The following CPNE3 variants were observed in gnomAD, a reference collection of about 807,000 sequenced individuals.
The protein encoded by CPNE3 is copine-3.
In CPNE3, 68 loss-of-function variants were observed where a neutral mutation model predicts 63.9. That is an observed-to-expected ratio of 1.06 (90% CI 0.87 to 1.30). The LOEUF (loss-of-function observed/expected upper bound fraction) is 1.30, where lower values mean the gene tolerates loss of function less well. Ranked by LOEUF, CPNE3 falls within the 50% of genes most tolerant of loss-of-function variation. The pLI, the probability that CPNE3 is intolerant of heterozygous loss-of-function variation, is 0.00. For synonymous variants in CPNE3, 219 were observed against 197.5 expected, an observed-to-expected ratio of 1.11 and a Z score of -0.91; for missense variants, 665 against 578.1, an observed-to-expected ratio of 1.15 and a Z score of -1.54.
Position 86,544,855 on chromosome 8 carries a change from C to T in CPNE3, c.732+17C>T. 3.5e-6 allele frequency: 5 copies of T among 1,429,944 alleles called. No individual in the cohort carries two copies. Among genetic ancestry groups the T allele is most frequent in the South Asian group, 1.2e-5 (1 of 81,006 alleles). 88.6% of individuals were successfully genotyped at this position (1,429,944 alleles called of 1,614,324 possible). A position where few individuals can be genotyped will look rare whatever the true frequency, so the allele number is the denominator to read the frequency against. ...AGCTCACCTGTAAGTTACATCCTTG[C>T]ATTTGCATATACTTTATAGTTTGGC... On this transcript the variant is annotated intron_variant, in intron 9 of 16. Transcript: ENST00000517490.
intron 4 of CPNE3, among the ~76,000 whole-genome samples, chr8:86,530,606 A>G (rs1400738035): frequency 6.6e-6 from 1 of 152,180 alleles, no homozygotes; most frequent in Non-Finnish European, 1.5e-5. Flanking sequence ...ATACATAGGA[A>G]GTTAAGAAAC....
intron 2 of CPNE3, among the ~76,000 whole-genome samples, chr8:86,515,789 A>G (rs1372791667): frequency 2.0e-5 from 3 of 152,210 alleles, no homozygotes; most frequent in South Asian, 2.1e-4. Flanking sequence ...GTTAGTGGTA[A>G]GCTATATATA....
intron 14 of CPNE3, among the ~76,000 whole-genome samples, chr8:86,552,441 G>A (rs1415020589): frequency 1.3e-5 from 2 of 152,058 alleles, no homozygotes; most frequent in African/African-American, 2.4e-5. Context: ...TAATGAAAGT[G>A]GATAATCTTT....
chr8:86,528,460 C>G, intron 2 of CPNE3, 76 bp from the exon 3 acceptor site: 1 of 1,532,474 alleles, frequency 6.5e-7, no homozygotes, highest in Non-Finnish European at 8.9e-7. Context: ...TAAGAAGTCA[C>G]CTGTTTTTGT....
At chr8:86,537,762 C>T in intron 7 of CPNE3, 116 bp downstream of exon 7, 1 of 665,900 alleles carries the variant, frequency 1.5e-6, no homozygotes. Context: ...TTACATATAG[C>T]CAGAGACACA....
Position 86,558,555 on chromosome 8 carries a change from C to G in CPNE3, c.*145C>G. On this transcript the variant is annotated 3_prime_UTR_variant, in exon 17 of 17. Coordinates refer to ENST00000517490, the MANE Select transcript of CPNE3 (RefSeq NM_003909.5). ...ATGGATTATATCTGTTTAAAGCATT[C>G]TTTCTAGGTTATTTTGGGGGGACAG... 1.5e-6 allele frequency: 1 copy of G among 653,092 alleles called. No homozygotes were observed. Among genetic ancestry groups the G allele is most frequent in the Non-Finnish European group, 2.7e-6 (1 of 370,794 alleles). The allele number at this position is 653,092 out of a possible 1,614,324, so 40.5% of individuals were successfully genotyped here.
At chr8:86,544,237 C>G (rs1477569782) in intron 8 of CPNE3, among the ~76,000 whole-genome samples, 1 of 152,072 alleles carries the variant, frequency 6.6e-6, no homozygotes, top group Non-Finnish European at 1.5e-5. Context: ...ATAATACAAG[C>G]CAACCTCACC....
chr8:86,541,082 AG>A (rs1820927242), intron 8 of CPNE3, among the ~76,000 whole-genome samples: 1 of 152,152 alleles, frequency 6.6e-6, no homozygotes, highest in Admixed American at 6.5e-5. Context: ...AGTCGATCAA[AG>A]GGATTTTTTG....
chr8:86,547,972 G>A (rs1387091432), intron 11 of CPNE3, among the ~76,000 whole-genome samples: 1 of 152,176 alleles, frequency 6.6e-6, no homozygotes, highest in Non-Finnish European at 1.5e-5. Flanking sequence ...AGAGAAAGCA[G>A]ATGTATACAA....
Position 86,531,829 on chromosome 8 carries a change from A to G in CPNE3, c.387+600A>G, listed in dbSNP as rs769727839. ...ACCTTATCTTCTAGAGTGTCTGTAC[A>G]GATAACTGCTGCCTGGAGTGATAGT... On this transcript the variant is annotated intron_variant, in intron 5 of 16. Transcript: ENST00000517490. 4.6e-5 allele frequency among the ~76,000 whole-genome samples: 7 copies of G among 152,248 alleles called. No homozygotes were observed. In the South Asian group the frequency reaches 1.2e-3, roughly 27 times the overall value.
chr8:86,526,915 CAT>C (rs1363849590), intron 2 of CPNE3, among the ~76,000 whole-genome samples: 3 of 152,144 alleles, frequency 2.0e-5, no homozygotes, highest in African/African-American at 7.2e-5. Flanking sequence ...TGATTTTTGA[CAT>C]ATGTTGAGGA....
intron 8 of CPNE3, among the ~76,000 whole-genome samples, chr8:86,540,654 G>A (rs1048761043): frequency 4.6e-5 from 7 of 151,946 alleles, no homozygotes; most frequent in Admixed American, 1.3e-4. Context: ...TCTGCTAATA[G>A]GAACCTCGAA....
intron 2 of CPNE3, among the ~76,000 whole-genome samples, chr8:86,520,283 G>A (rs866642379): frequency 2.1e-4 from 32 of 152,192 alleles, no homozygotes; most frequent in Admixed American, 5.9e-4. Flanking sequence ...AGTGGCTCAC[G>A]CCTGTAATCT....
chr8:86,550,914 A>G, intron 12 of CPNE3, 132 bp from the exon 13 acceptor site: 1 of 830,862 alleles, frequency 1.2e-6, no homozygotes, highest in Non-Finnish European at 1.8e-6. Flanking sequence ...TCTCTTTGGC[A>G]GTTAATATAG....
At chr8:86,529,252 A>C in intron 4 of CPNE3, 128 bp downstream of exon 4, 1 of 704,138 alleles carries the variant, frequency 1.4e-6, no homozygotes, top group Non-Finnish European at 2.3e-6. Flanking sequence ...GACAGTTTAT[A>C]TATTAATATG....
At chr8:86,525,173 T>A (rs1820515790) in intron 2 of CPNE3, among the ~76,000 whole-genome samples, 1 of 152,032 alleles carries the variant, frequency 6.6e-6, no homozygotes, top group African/African-American at 2.4e-5. Flanking sequence ...TTTGTTTTTG[T>A]AGAGATGAGG....
rs976769638 is a variant in CPNE3, at chr8:86,559,506, A to G, written c.*1096A>G. On this transcript the variant is annotated 3_prime_UTR_variant, in exon 17 of 17. Coordinates refer to ENST00000517490, the MANE Select transcript of CPNE3 (RefSeq NM_003909.5). The stretch of plus-strand genomic sequence containing the variant: ...CTGTTAATCAAAATTGCATTTTACA[A>G]TTTAATAATGTGATATTTCCTATGT... 2.0e-5 allele frequency: 3 copies of G among 152,186 alleles called. No individual in the cohort carries two copies. The highest frequency in any genetic ancestry group is 4.8e-5 in the African/African-American group (2 of 41,446). 9.4% of individuals were successfully genotyped at this position (152,186 alleles called of 1,614,324 possible).
rs1821059612 is a variant in CPNE3 at position 86,546,700 on chromosome 8, C to T, written c.819+19C>T. ...GTGTGAGGTCCGTTGGCCTTGGCTA[C>T]TTATTTTTATTTATTTATTTATTCT... On this transcript the variant is annotated intron_variant, in intron 10 of 16. Coordinates refer to ENST00000517490, the MANE Select transcript of CPNE3 (RefSeq NM_003909.5). The T allele has an allele frequency of 6.3e-7, 1 of 1,578,524 alleles. No individual in the cohort carries two copies. The highest frequency in any genetic ancestry group is 8.6e-7 in the Non-Finnish European group (1 of 1,169,302).
intron 14 of CPNE3, 66 bp from the exon 15 acceptor site, chr8:86,554,785 A>G: frequency 6.4e-7 from 1 of 1,572,930 alleles, no homozygotes; most frequent in South Asian, 1.2e-5. Context: ...ATTAGCCAGT[A>G]TTGTGAATAA....
Sources: allele counts gnomAD v4.1 joint callset (sites outside exome capture counted in the v4.1 genomes callset), GRCh38; gene constraint gnomAD v4.1.1; transcripts MANE v1.5; gene names NCBI Gene and HGNC (gene_info 2026-07-23, HGNC 2026-07-21).